AXIN1: variants seen among roughly 807,000 people sequenced by gnomAD.
AXIN1 encodes axin 1, also known as axin-1.
Under a neutral mutation model 76.4 loss-of-function variants are expected in AXIN1, and 30 were observed. That is an observed-to-expected ratio of 0.39 (90% CI 0.29 to 0.53). AXIN1 has a LOEUF of 0.53. Among genes scored for constraint, AXIN1 ranks in the 20% least tolerant of loss-of-function variants. The pLI is 0.66. For missense variants in AXIN1, 1,140 were observed against 1,198.8 expected (o/e 0.95, Z 0.72); for synonymous variants, 545 against 501.4 (o/e 1.09, Z -1.16).
At chr16:324,510 T>A (rs949540676) in intron 2 of AXIN1, among the ~76,000 whole-genome samples, 1 of 152,114 alleles carries the variant, frequency 6.6e-6, no homozygotes, top group Non-Finnish European at 1.5e-5. Flanking sequence ...CCGCCCAGTG[T>A]CCCGCAGAGT....
intron 2 of AXIN1, among the ~76,000 whole-genome samples, chr16:341,269 G>A (rs1456639688): frequency 8.5e-5 from 13 of 152,264 alleles, no homozygotes; most frequent in African/African-American, 3.1e-4. Context: ...TGTGGAGGGA[G>A]AGGCGCGAGC....
chr16:326,386 T>C (rs1182628283), intron 2 of AXIN1, among the ~76,000 whole-genome samples: 1 of 134,578 alleles, frequency 7.4e-6, no homozygotes, highest in African/African-American at 2.9e-5. Context: ...TATATATATA[T>C]ATATATATAC....
At chr16:352,332 C>T (rs2054163346) in intron 1 of AXIN1, 37 bp downstream of exon 1, 1 of 977,736 alleles carries the variant, frequency 1.0e-6, no homozygotes, top group Non-Finnish European at 1.2e-6. Flanking sequence ...CCCGGCCTAC[C>T]GCGGCCTAGC....
intron 2 of AXIN1, among the ~76,000 whole-genome samples, chr16:343,931 C>G (rs2053979725): frequency 1.3e-5 from 2 of 150,448 alleles, no homozygotes; most frequent in African/African-American, 4.9e-5. Context: ...ACCCAGGAGG[C>G]AGAAGTTGCA....
chr16:336,373 C>T (rs1041154899), intron 2 of AXIN1, among the ~76,000 whole-genome samples: 4 of 152,176 alleles, frequency 2.6e-5, no homozygotes, highest in Admixed American at 1.3e-4. Context: ...GCAGTGAGCA[C>T]GTTACTCAGA....
chr16:295,094 G>A (rs1276225029), intron 7 of AXIN1, among the ~76,000 whole-genome samples: 5 of 149,512 alleles, frequency 3.3e-5, no homozygotes, highest in African/African-American at 1.2e-4. Context: ...CTTTCATGGA[G>A]ACTTTTTTTT....
Position 326,372 on chromosome 16 carries a change from A to ATAT in AXIN1, c.879-11690_879-11689insATA, listed in dbSNP as rs1555483772. Among the ~76,000 whole-genome samples, 145 of 86,410 alleles carry ATAT rather than the reference A, an allele frequency of 1.7e-3. 1 individual carries two copies. Among genetic ancestry groups the ATAT allele is most frequent in the Admixed American group, 3.4e-3 (26 of 7,720 alleles). The allele number at this position is 86,410 out of a possible 152,430, so 56.7% of individuals were successfully genotyped here. ...TCCGTCTCAAAAAAAAAAAAAAAAA[A>ATAT]ATATATATATATATATATATATACA... On this transcript the variant is annotated intron_variant, in intron 2 of 10. Transcript: ENST00000262320.
chr16:320,743 A>ATATTTTTTTTTTTT (rs397722732), intron 2 of AXIN1, among the ~76,000 whole-genome samples: 1 of 107,664 alleles, frequency 9.3e-6, no homozygotes, highest in Non-Finnish European at 1.7e-5. Context: ...ATATATATAT[A>ATATTTTTTTTTTTT]TTTTTTTTTT....
At chr16:300,493 C>T (rs536409197) in intron 5 of AXIN1, among the ~76,000 whole-genome samples, 20 of 152,214 alleles carry the variant, frequency 1.3e-4, no homozygotes, top group African/African-American at 4.3e-4. Context: ...AGCCACTGTG[C>T]CCCACCTACC....
chr16:351,153 A>G (rs955811171), intron 1 of AXIN1, among the ~76,000 whole-genome samples: 8 of 151,516 alleles, frequency 5.3e-5, no homozygotes, highest in Non-Finnish European at 1.5e-5. Flanking sequence ...AAAAACTGAA[A>G]CCGAGCTATT....
At chr16:337,642 G>A (rs974703390) in intron 2 of AXIN1, among the ~76,000 whole-genome samples, 16 of 152,272 alleles carry the variant, frequency 1.1e-4, no homozygotes, top group African/African-American at 3.6e-4. Flanking sequence ...CCAGCTACCC[G>A]GCCACCTGGC....
At chr16:296,051 A>G (rs2141497304) in intron 7 of AXIN1, among the ~76,000 whole-genome samples, 1 of 152,348 alleles carries the variant, frequency 6.6e-6, no homozygotes, top group Non-Finnish European at 1.5e-5. Context: ...GGATCACTTG[A>G]GCCCAAAAGC....
In AXIN1 at chr16:289,475, C is replaced by G. The variant is rs2141467395; in HGVS notation, c.2427G>C (p.Gln809His). The G allele has an allele frequency of 6.2e-7, 1 of 1,612,960 alleles. No individual in the cohort carries two copies. The change falls in exon 10 of 11, where the codon CAG (glutamine) becomes CAC (histidine). Residue 809 changes from glutamine (Q) to histidine (H), a missense_variant. Physicochemically the swap from Gln to His is conservative, Grantham distance 24 (BLOSUM62 0). Coordinates refer to ENST00000262320, the MANE Select transcript of AXIN1 (RefSeq NM_003502.4). ...CCTTTTTGGTCAGCAGCTCCTTGAA[C>G]TGGCCCAGGGTGACAGCGCGGCCCC... ...LVRGRAVTLG[Q>H]FKELLTKKGS...
chr16:325,072 C>T (rs767572923), intron 2 of AXIN1, among the ~76,000 whole-genome samples: 1 of 151,972 alleles, frequency 6.6e-6, no homozygotes, highest in Non-Finnish European at 1.5e-5. Context: ...CTCAGCCCCG[C>T]GGGCGCGCCC....
intron 4 of AXIN1, among the ~76,000 whole-genome samples, chr16:309,405 C>T (rs2053115210): frequency 6.6e-6 from 1 of 152,198 alleles, no homozygotes; most frequent in Non-Finnish European, 1.5e-5. Flanking sequence ...CGCAGGAATG[C>T]TCTGTAGACG....
chr16:327,219 C>T (rs1033221374), intron 2 of AXIN1, among the ~76,000 whole-genome samples: 15 of 151,930 alleles, frequency 9.9e-5, no homozygotes, highest in Admixed American at 7.2e-4. Flanking sequence ...TTCTGCATGG[C>T]GGCAGACACT....
At chr16:318,771 G>A (rs943966678) in intron 2 of AXIN1, among the ~76,000 whole-genome samples, 7 of 152,310 alleles carry the variant, frequency 4.6e-5, no homozygotes, top group African/African-American at 1.2e-4. Context: ...CGCCCTTCAC[G>A]AGCACCTCCA....
intron 2 of AXIN1, among the ~76,000 whole-genome samples, chr16:317,187 C>T (rs1567283698): frequency 6.6e-6 from 1 of 152,160 alleles, no homozygotes; most frequent in African/African-American, 2.4e-5. Flanking sequence ...GGCAGGCAGC[C>T]CAGCACCTTG....
At chr16:301,093 A>AC (rs1191493761) in intron 5 of AXIN1, among the ~76,000 whole-genome samples, 58 of 151,882 alleles carry the variant, frequency 3.8e-4, no homozygotes, top group African/African-American at 1.2e-3. Flanking sequence ...ACATGGTGAA[A>AC]CCCCGTCTCT....
Sources: allele counts gnomAD v4.1 joint callset (sites outside exome capture counted in the v4.1 genomes callset), GRCh38; gene constraint gnomAD v4.1.1; transcripts MANE v1.5; gene names NCBI Gene and HGNC (gene_info 2026-07-23, HGNC 2026-07-21).